RHOJ: variants seen among roughly 807,000 people sequenced by gnomAD.
RHOJ encodes the protein rho-related GTP-binding protein RhoJ.
Under a neutral mutation model 23.4 loss-of-function variants are expected in RHOJ, and 11 were observed. The ratio of observed to expected loss-of-function variants is 0.47; its 90% confidence interval spans 0.30 to 0.78. The LOEUF (loss-of-function observed/expected upper bound fraction) is 0.78. Ranked by LOEUF, RHOJ falls within the 30% of genes least tolerant of loss-of-function variation. RHOJ has a pLI of 0.08. For synonymous variants in RHOJ, 102 were observed against 102.7 expected, an observed-to-expected ratio of 0.99 and a Z score of 0.04; for missense variants, 254 against 273.4, an observed-to-expected ratio of 0.93 and a Z score of 0.50.
chr14:63,240,047 T>A (rs932054183), intron 1 of RHOJ, among the ~76,000 whole-genome samples: 2 of 152,192 alleles, frequency 1.3e-5, no homozygotes, highest in Admixed American at 6.5e-5. Flanking sequence ...TTATTTCACA[T>A]GGTAAATACT....
chr14:63,212,852 G>A (rs1055899242), intron 1 of RHOJ, among the ~76,000 whole-genome samples: 4 of 151,968 alleles, frequency 2.6e-5, no homozygotes, highest in South Asian at 2.1e-4. Flanking sequence ...GTCATTTTCC[G>A]GTCTCTTCAT....
chr14:63,276,949 C>G (rs74582756), intron 2 of RHOJ, among the ~76,000 whole-genome samples: 1 of 152,148 alleles, frequency 6.6e-6, no homozygotes, highest in African/African-American at 2.4e-5. Context: ...TGCTGCCATC[C>G]AGTGGTAATC....
At chr14:63,282,099 A>G (rs1221981701) in intron 3 of RHOJ, among the ~76,000 whole-genome samples, 1 of 152,224 alleles carries the variant, frequency 6.6e-6, no homozygotes, top group African/African-American at 2.4e-5. Context: ...CTGCTCTGAA[A>G]GATAATCGTT....
intron 1 of RHOJ, among the ~76,000 whole-genome samples, chr14:63,234,362 C>A (rs1220650893): frequency 1.3e-5 from 2 of 152,168 alleles, no homozygotes; most frequent in Admixed American, 1.3e-4. Context: ...GGGCAGATAT[C>A]ATGTTCTGTT....
At chr14:63,267,286 C>T (rs1895385947) in intron 1 of RHOJ, among the ~76,000 whole-genome samples, 1 of 152,166 alleles carries the variant, frequency 6.6e-6, no homozygotes, top group African/African-American at 2.4e-5. Flanking sequence ...GAGAGAATGA[C>T]TGAGAAAGCA....
chr14:63,237,170 G>A (rs1894805226), intron 1 of RHOJ, among the ~76,000 whole-genome samples: 1 of 152,086 alleles, frequency 6.6e-6, no homozygotes, highest in Non-Finnish European at 1.5e-5. Flanking sequence ...GACAAAAGAA[G>A]ATGTTTCATG....
intron 1 of RHOJ, among the ~76,000 whole-genome samples, chr14:63,209,848 T>C (rs1894194053): frequency 6.6e-6 from 1 of 152,064 alleles, no homozygotes; most frequent in African/African-American, 2.4e-5. Flanking sequence ...CATACAAAAA[T>C]GTTTATTATA....
chr14:63,260,965 G>A (rs994522985), intron 1 of RHOJ, among the ~76,000 whole-genome samples: 2 of 152,060 alleles, frequency 1.3e-5, no homozygotes, highest in African/African-American at 4.8e-5. Context: ...TAAGACTGCC[G>A]AGTCAAATGT....
chr14:63,256,076 C>A (rs1566620952), intron 1 of RHOJ, among the ~76,000 whole-genome samples: 1 of 151,950 alleles, frequency 6.6e-6, no homozygotes, highest in Admixed American at 6.6e-5. Flanking sequence ...TTGGTAGAGA[C>A]AAGGTCTTGC....
At position 63,227,917 on chromosome 14, in the gene RHOJ, A is replaced by G. The variant is rs181220799; in HGVS notation, c.178+22870A>G. On this transcript the variant is annotated intron_variant, in intron 1 of 4. Coordinates refer to ENST00000316754, the MANE Select transcript of RHOJ (RefSeq NM_020663.5). ...GGAATGGCTCTAAAAATGTGCTCAC[A>G]TGGTCATAGATTTATTAATTTGAAT... Among the ~76,000 whole-genome samples the G allele has an allele frequency of 1.2e-4, 19 of 152,326 alleles. No homozygotes were observed. In the East Asian group the frequency reaches 3.3e-3, roughly 26 times the overall value.
chr14:63,251,028 C>G (rs969207719), intron 1 of RHOJ, among the ~76,000 whole-genome samples: 2 of 151,760 alleles, frequency 1.3e-5, no homozygotes, highest in Non-Finnish European at 2.9e-5. Context: ...AGTGAAACTC[C>G]GTCTCAAAAA....
At chr14:63,267,282 A>G (rs946723358) in intron 1 of RHOJ, among the ~76,000 whole-genome samples, 2 of 152,218 alleles carry the variant, frequency 1.3e-5, no homozygotes, top group African/African-American at 4.8e-5. Flanking sequence ...ACTGGAGAGA[A>G]TGACTGAGAA....
chr14:63,237,786 GAATT>G (rs1451727278), intron 1 of RHOJ, among the ~76,000 whole-genome samples: 2 of 152,244 alleles, frequency 1.3e-5, no homozygotes, highest in African/African-American at 4.8e-5. Flanking sequence ...AGGTTAGACT[GAATT>G]AATCGGTGTG....
At chr14:63,280,754 GA>G (rs1881871740) in intron 2 of RHOJ, among the ~76,000 whole-genome samples, 1 of 152,186 alleles carries the variant, frequency 6.6e-6, no homozygotes, top group African/African-American at 2.4e-5. Flanking sequence ...TTCATCTTAA[GA>G]AGGGGCAATA....
rs112138151 is a variant in RHOJ at position 63,289,464 on chromosome 14, C to T, written c.499-1414C>T. Among the ~76,000 whole-genome samples, 239 of 152,316 alleles carry T rather than the reference C, an allele frequency of 1.6e-3. 2 individuals carry two copies. The East Asian group carries it at 0.026, about 17-fold the overall frequency. ...TTGTCTGCTGTAGTTTCCAGGAACT[C>T]GCCATTTAGCCAACCTCTTCTGAAT... On this transcript the variant is annotated intron_variant, in intron 4 of 4. Transcript: ENST00000316754.
intron 1 of RHOJ, among the ~76,000 whole-genome samples, chr14:63,228,247 AAC>A: frequency 6.6e-6 from 1 of 152,226 alleles, no homozygotes; most frequent in East Asian, 1.9e-4. Flanking sequence ...TCTTAAAGAA[AAC>A]TCATCCATTG....
intron 1 of RHOJ, among the ~76,000 whole-genome samples, chr14:63,246,228 C>A (rs1566617166): frequency 6.6e-6 from 1 of 152,190 alleles, no homozygotes; most frequent in Non-Finnish European, 1.5e-5. Context: ...CCTTTCACTA[C>A]AGTCTTGGAA....
At chr14:63,260,963 C>G (rs753178834) in intron 1 of RHOJ, among the ~76,000 whole-genome samples, 2 of 152,238 alleles carry the variant, frequency 1.3e-5, no homozygotes, top group Middle Eastern at 6.8e-3. Context: ...AATAAGACTG[C>G]CGAGTCAAAT....
intron 2 of RHOJ, among the ~76,000 whole-genome samples, chr14:63,279,718 T>C (rs561023766): frequency 1.3e-5 from 2 of 152,356 alleles, no homozygotes; most frequent in African/African-American, 4.8e-5. Context: ...TATTTGGCCT[T>C]TAAGTAATAC....
Sources: gnomAD v4.1 joint callset for allele counts (sites outside exome capture counted in the v4.1 genomes callset) on GRCh38, gnomAD v4.1.1 for gene constraint, MANE v1.5 for transcripts, NCBI Gene and HGNC (gene_info 2026-07-23, HGNC 2026-07-21) for gene names.